The following NSDHL variants were observed in gnomAD, a reference collection of about 807,000 sequenced individuals.
NSDHL encodes sterol-4-alpha-carboxylate 3-dehydrogenase, decarboxylating.
In NSDHL, 1 loss-of-function variant was observed where a neutral mutation model predicts 23.0. The observed-to-expected ratio is 0.04, with a 90% CI of 0.02 to 0.21. NSDHL has a LOEUF of 0.21. Among genes scored for constraint, NSDHL ranks in the 10% least tolerant of loss-of-function variants. NSDHL has a pLI of 1.00. For missense variants in NSDHL, 237 were observed against 300.9 expected, an observed-to-expected ratio of 0.79 and a Z score of 1.57; for synonymous variants, 128 against 121.1, an observed-to-expected ratio of 1.06 and a Z score of -0.37.
chrX:152,846,256 T>G, intron 1 of NSDHL, 26 bp from the exon 2 acceptor site: 2 of 804,349 alleles, frequency 2.5e-6, no homozygotes, highest in South Asian at 4.1e-5. Context: ...GCAACATTAA[T>G]GTCTGTCTCT....
At chrX:152,841,028 C>T (rs781925971) in intron 1 of NSDHL, among the ~76,000 whole-genome samples, 2 of 112,958 alleles carry the variant, frequency 1.8e-5, no homozygotes, top group Non-Finnish European at 3.8e-5. Context: ...CGCCCCTCCC[C>T]CTCCAGGCTG....
At chrX:152,868,504 A>T (rs1292375566) in intron 7 of NSDHL, among the ~76,000 whole-genome samples, 1 of 112,442 alleles carries the variant, frequency 8.9e-6, no homozygotes, top group East Asian at 2.8e-4. Context: ...CATTGCATCC[A>T]AAGATATGTA....
At chrX:152,840,620 G>A (rs1403694316) in intron 1 of NSDHL, among the ~76,000 whole-genome samples, 1 of 112,240 alleles carries the variant, frequency 8.9e-6, no homozygotes, top group Non-Finnish European at 1.9e-5. Flanking sequence ...GTTTCCCTGG[G>A]TATCACCAAT....
chrX:152,840,098 T>C (rs901540781), intron 1 of NSDHL, among the ~76,000 whole-genome samples: 5 of 112,526 alleles, frequency 4.4e-5, no homozygotes, highest in Non-Finnish European at 7.5e-5. Context: ...GATTTGGCTA[T>C]TGAAGCTTGT....
rs868986929 is a variant in NSDHL, at chrX:152,868,948, C to G, written c.954C>G (p.Ile318Met). The G allele has an allele frequency of 8.2e-7, 1 of 1,212,200 alleles. No homozygotes were observed. Among genetic ancestry groups the G allele is most frequent in the South Asian group, 1.8e-5 (1 of 57,021 alleles). Reference protein sequence around the residue: ...SLLVMVISPVIQLQPTFTPMR... With the variant: ...SLLVMVISPVMQLQPTFTPMR... ...TGGTGATGGTGATCAGTCCTGTCAT[C>G]CAGCTGCAGCCCACCTTCACACCCA... Residue 318 changes from isoleucine to methionine, a missense_variant, in exon 8 of 8, where the codon ATC (isoleucine) becomes ATG (methionine). Around this residue, in one of 3 missense-constraint regions of NSDHL, gnomAD observed 117 missense variants for 99.5 expected, o/e 1.18. Coordinates refer to ENST00000370274, the MANE Select transcript of NSDHL (RefSeq NM_015922.3).
chrX:152,832,211 A>C (rs1443996211), intron 1 of NSDHL, among the ~76,000 whole-genome samples: 1 of 111,655 alleles, frequency 9.0e-6, no homozygotes, highest in Non-Finnish European at 1.9e-5. Flanking sequence ...ACCCTATTTA[A>C]GTATTGCAGC....
chrX:152,843,059 C>T (rs1330450946), intron 1 of NSDHL, among the ~76,000 whole-genome samples: 1 of 111,869 alleles, frequency 8.9e-6, no homozygotes, highest in Non-Finnish European at 1.9e-5. Flanking sequence ...TATTTACAAA[C>T]TTTAAAATAA....
chrX:152,868,730 CT>C, intron 7 of NSDHL, 53 bp from the exon 8 acceptor site: 1 of 1,050,198 alleles, frequency 9.5e-7, no homozygotes, highest in Non-Finnish European at 1.3e-6. Flanking sequence ...GATGCTTCAA[CT>C]TTGGGCAGGT....
intron 1 of NSDHL, among the ~76,000 whole-genome samples, chrX:152,837,805 C>G (rs1556844345): frequency 8.9e-6 from 1 of 111,760 alleles, no homozygotes; most frequent in Non-Finnish European, 1.9e-5. Context: ...ATGATGCTGG[C>G]CTCATAAAAT....
intron 2 of NSDHL, 85 bp from the exon 3 acceptor site, chrX:152,850,180 A>G (rs1368361261): frequency 3.1e-6 from 3 of 955,937 alleles, no homozygotes; most frequent in Non-Finnish European, 4.5e-6. Context: ...CTGCCATTGC[A>G]GTGGCTCATG....
intron 5 of NSDHL, among the ~76,000 whole-genome samples, chrX:152,864,112 G>A (rs1467077352): frequency 5.4e-5 from 6 of 111,383 alleles, no homozygotes; most frequent in African/African-American, 1.6e-4. Context: ...GGGTTTCACC[G>A]TGTTGGTCGG....
At chrX:152,866,006 T>C (rs1933602576) in intron 6 of NSDHL, 45 bp downstream of exon 6, 2 of 1,192,197 alleles carry the variant, frequency 1.7e-6, no homozygotes, top group Non-Finnish European at 2.3e-6. Flanking sequence ...TCCTGGTCCA[T>C]GCTCGCATTC....
intron 2 of NSDHL, among the ~76,000 whole-genome samples, chrX:152,847,867 C>CTTT (rs1165079425): frequency 9.9e-6 from 1 of 100,997 alleles, no homozygotes; most frequent in Non-Finnish European, 2.0e-5. Context: ...GGTTTTTTTT[C>CTTT]TTTTTTTTTT....
intron 7 of NSDHL, among the ~76,000 whole-genome samples, chrX:152,867,908 G>A (rs2071256): frequency 9.1e-6 from 1 of 109,481 alleles, no homozygotes; most frequent in Admixed American, 9.7e-5. Context: ...AGACATTCAG[G>A]TCACGGTCAT....
rs1368315287 is a variant in NSDHL, at chrX:152,869,384, C to T, written c.*268C>T. ...CTGTCTTTTTGTGTCTCTCTGTTTA[C>T]CCCCTCCCTTGCCCCCTCTTCTGGT... On this transcript the variant is annotated 3_prime_UTR_variant, in exon 8 of 8. Transcript: ENST00000370274. The T allele has an allele frequency of 1.8e-5, 7 of 394,614 alleles. No individual in the cohort carries two copies. The highest frequency in any genetic ancestry group is 9.0e-5 in the East Asian group (2 of 22,219). 32.5% of individuals were successfully genotyped at this position (394,614 alleles called of 1,213,427 possible).
intron 7 of NSDHL, 43 bp downstream of exon 7, chrX:152,867,716 G>A (rs937078845): frequency 5.2e-6 from 5 of 957,002 alleles, no homozygotes; most frequent in Admixed American, 2.2e-5. Flanking sequence ...GCCTTTCTGC[G>A]GGTTTCTTCT....
intron 1 of NSDHL, among the ~76,000 whole-genome samples, chrX:152,837,141 G>A (rs1933110627): frequency 8.9e-6 from 1 of 111,981 alleles, no homozygotes; most frequent in African/African-American, 3.3e-5. Context: ...TGTGATTTTT[G>A]CACATTGATT....
At chrX:152,843,598 T>C (rs1933227147) in intron 1 of NSDHL, among the ~76,000 whole-genome samples, 1 of 111,951 alleles carries the variant, frequency 8.9e-6, no homozygotes, top group African/African-American at 3.3e-5. Flanking sequence ...TCTGTATGTC[T>C]CTTATAAGAC....
chrX:152,863,182 T>C (rs1027945134), intron 5 of NSDHL, among the ~76,000 whole-genome samples: 2 of 111,516 alleles, frequency 1.8e-5, no homozygotes, highest in Non-Finnish European at 3.8e-5. Context: ...AAAAAAAAGT[T>C]ACTATGAGAA....
Sources: gnomAD v4.1 joint callset for allele counts (sites outside exome capture counted in the v4.1 genomes callset) on GRCh38, gnomAD v4.1.1 for gene constraint, gnomAD v4.1.1 regional missense constraint, MANE v1.5 for transcripts, NCBI Gene and HGNC (gene_info 2026-07-23, HGNC 2026-07-21) for gene names.